The following GALNT13 variants were observed in gnomAD, a reference collection of about 807,000 sequenced individuals.
GALNT13 encodes UDP-GalNAc:polypeptide N-acetylgalactosaminyltransferase 13.
Under a neutral mutation model 64.2 loss-of-function variants are expected in GALNT13, and 28 were observed. The observed-to-expected ratio is 0.44, with a 90% confidence interval of 0.32 to 0.60. The LOEUF (loss-of-function observed/expected upper bound fraction) is 0.60. GALNT13 is among the 20% of genes least tolerant of loss of function. The pLI is 0.05. For missense variants in GALNT13, 577 were observed against 669.8 expected, an observed-to-expected ratio of 0.86 and a Z score of 1.53; for synonymous variants, 214 against 224.6, an observed-to-expected ratio of 0.95 and a Z score of 0.42.
At chr2:153,218,540 G>T in the GALNT13 span, among the ~76,000 whole-genome samples, 8 of 152,130 alleles carry the variant, frequency 5.3e-5, no homozygotes, top group Non-Finnish European at 1.2e-4. Context: ...AGGGAAGAAG[G>T]ATATCTGTGC....
chr2:154,088,841 A>G (rs1256581894), intron 3 of GALNT13, among the ~76,000 whole-genome samples: 1 of 152,258 alleles, frequency 6.6e-6, no homozygotes, highest in Non-Finnish European at 1.5e-5. Flanking sequence ...CTTGATACCA[A>G]TTGCCAGCTG....
the GALNT13 span, among the ~76,000 whole-genome samples, chr2:153,308,692 T>C: frequency 6.6e-6 from 1 of 152,132 alleles, no homozygotes; most frequent in Non-Finnish European, 1.5e-5. Flanking sequence ...CTCAGATAAG[T>C]GTTGAGTCAC....
the GALNT13 span, chr2:153,356,441 C>T: frequency 2.6e-5 from 4 of 152,166 alleles, no homozygotes; most frequent in African/African-American, 9.7e-5. Context: ...TGGTAACTAT[C>T]TTTCAAAGTG....
the GALNT13 span, among the ~76,000 whole-genome samples, chr2:153,461,773 C>T: frequency 2.0e-5 from 3 of 152,044 alleles, no homozygotes; most frequent in Admixed American, 1.3e-4. Context: ...CAAGAATCAC[C>T]TCAGTAGCTG....
At chr2:153,394,687 A>C in the GALNT13 span, among the ~76,000 whole-genome samples, 1 of 152,172 alleles carries the variant, frequency 6.6e-6, no homozygotes, top group Non-Finnish European at 1.5e-5. Flanking sequence ...CTGCCATGTT[A>C]AATACATAAT....
At chr2:153,528,731 C>G in the GALNT13 span, among the ~76,000 whole-genome samples, 2 of 151,836 alleles carry the variant, frequency 1.3e-5, no homozygotes, top group Non-Finnish European at 2.9e-5. Context: ...TGTTCTCTGA[C>G]CAGCACAGAA....
At chr2:153,238,988 T>C in the GALNT13 span, among the ~76,000 whole-genome samples, 1 of 152,154 alleles carries the variant, frequency 6.6e-6, no homozygotes, top group African/African-American at 2.4e-5. Context: ...GGAATATCTT[T>C]CCATTTTTTT....
chr2:153,481,435 G>T, the GALNT13 span, among the ~76,000 whole-genome samples: 1 of 152,078 alleles, frequency 6.6e-6, no homozygotes, highest in African/African-American at 2.4e-5. Flanking sequence ...TGTGAAAAAA[G>T]AAATCTTTAA....
chr2:153,319,192 A>G, the GALNT13 span, among the ~76,000 whole-genome samples: 2 of 152,236 alleles, frequency 1.3e-5, no homozygotes, highest in Non-Finnish European at 2.9e-5. Flanking sequence ...CTATTAATAT[A>G]TTACAGCCTT....
the GALNT13 span, among the ~76,000 whole-genome samples, chr2:153,269,611 G>C: frequency 4.6e-5 from 7 of 152,028 alleles, no homozygotes; most frequent in Non-Finnish European, 1.0e-4. Context: ...CACATTTTCA[G>C]GTTATCTTTG....
chr2:153,116,548 T>C, the GALNT13 span, among the ~76,000 whole-genome samples: 1 of 152,184 alleles, frequency 6.6e-6, no homozygotes, highest in South Asian at 2.1e-4. Context: ...TTATATACCT[T>C]AATCACTTAC....
chr2:153,321,972 TTG>T, the GALNT13 span, among the ~76,000 whole-genome samples: 716 of 149,254 alleles, frequency 4.8e-3, 9 homozygotes, highest in Middle Eastern at 0.017. Context: ...GTGTGTAAAG[TTG>T]TGTGTGTGTG....
chr2:154,236,252 T>TC, intron 4 of GALNT13: 1 of 773,362 alleles, frequency 1.3e-6, no homozygotes. Context: ...TTTTAAAATG[T>TC]TGGCATAAGC....
chr2:153,625,232 G>A, the GALNT13 span, among the ~76,000 whole-genome samples: 1 of 152,108 alleles, frequency 6.6e-6, no homozygotes, highest in Admixed American at 6.6e-5. Context: ...TGGCTCAGGG[G>A]AGAGTGGGGG....
chr2:153,125,702 G>A, the GALNT13 span, among the ~76,000 whole-genome samples: 104 of 152,244 alleles, frequency 6.8e-4, no homozygotes, highest in Middle Eastern at 3.4e-3. Flanking sequence ...ATAAAAGTAC[G>A]CAGTAAGCAT....
intron 4 of GALNT13, among the ~76,000 whole-genome samples, chr2:154,162,443 C>T (rs866088354): frequency 5.3e-5 from 8 of 152,072 alleles, no homozygotes; most frequent in South Asian, 2.1e-4. Context: ...AAGATTGTGG[C>T]CCAGAAAACA....
chr2:153,737,195 G>C, the GALNT13 span, among the ~76,000 whole-genome samples: 6 of 152,172 alleles, frequency 3.9e-5, no homozygotes, highest in Non-Finnish European at 8.8e-5. Context: ...AAGGGAGAAA[G>C]GGTAATAGGA....
At chr2:153,082,616 T>TAC in the GALNT13 span, among the ~76,000 whole-genome samples, 4 of 26,582 alleles carry the variant, frequency 1.5e-4, no homozygotes, top group African/African-American at 4.7e-4. Flanking sequence ...TATATATATA[T>TAC]ATACACACAC....
At chr2:154,285,969 T>C (rs1464234063) in intron 8 of GALNT13, among the ~76,000 whole-genome samples, 1 of 152,242 alleles carries the variant, frequency 6.6e-6, no homozygotes, top group African/African-American at 2.4e-5. Flanking sequence ...AATGGGATTG[T>C]TATTTTCCAT....
Sources: gnomAD v4.1 joint callset for allele counts (sites outside exome capture counted in the v4.1 genomes callset) on GRCh38, gnomAD v4.1.1 for gene constraint, MANE v1.5 for transcripts, NCBI Gene and HGNC (gene_info 2026-07-23, HGNC 2026-07-21) for gene names.